ETAA1: variants seen among roughly 807,000 people sequenced by gnomAD.
ETAA1 encodes the protein ewing's tumor-associated antigen 1.
In ETAA1, 49 loss-of-function variants were observed where a neutral mutation model predicts 76.8. The ratio of observed to expected loss-of-function variants is 0.64; its 90% CI spans 0.51 to 0.81. ETAA1 has a LOEUF of 0.81. Ranked by LOEUF, ETAA1 falls within the 30% of genes least tolerant of loss-of-function variation. ETAA1 has a pLI of 0.00. For synonymous variants in ETAA1, 373 were observed against 372.2 expected (o/e 1.00, Z -0.03); for missense variants, 1,099 against 1,074.0 (o/e 1.02, Z -0.32).
At position 67,399,313 on chromosome 2, in the gene ETAA1, CAT is replaced by C; in HGVS notation, c.352+17_352+18del. 6.3e-7 allele frequency: 1 copy of C among 1,591,146 alleles called. No individual in the cohort carries two copies. Among genetic ancestry groups the C allele is most frequent in the Non-Finnish European group, 8.6e-7 (1 of 1,165,630 alleles). ...AAGCAGTTAGGTAATTAATTATTAACATTTTTTATGTGAGTAAATATTTGATA... is the reference window on the plus strand; with the variant it reads ...AAGCAGTTAGGTAATTAATTATTAACTTTTTATGTGAGTAAATATTTGATA... On this transcript the variant is annotated intron_variant, in intron 2 of 5. Transcript: ENST00000272342.
At position 67,405,005 on chromosome 2, in the gene ETAA1, A is replaced by G. The variant is rs1676171931; in HGVS notation, c.2323A>G (p.Ser775Gly). ...SSKLVLPGSS[S>G]LNVTSDHMNT... ...CAAATTGGTTCTTCCAGGAAGTTCA[A>G]GTTTGAATGTAACTTCAGATCATAT... is the stretch of plus-strand genomic sequence containing the variant. The change falls in exon 5 of 6, where the codon AGT (serine) becomes GGT (glycine). Residue 775 changes from serine (S) to glycine (G), a missense_variant. By Grantham distance (56) the Ser-to-Gly change is moderately conservative (BLOSUM62 0). Coordinates refer to ENST00000272342, the MANE Select transcript of ETAA1 (RefSeq NM_019002.4). The G allele has an allele frequency of 3.1e-6, 5 of 1,611,992 alleles. No homozygotes were observed. The highest frequency in any genetic ancestry group is 4.2e-6 in the Non-Finnish European group (5 of 1,178,916).
chr2:67,406,057 TG>T (rs1168097675), intron 5 of ETAA1, among the ~76,000 whole-genome samples: 1 of 152,112 alleles, frequency 6.6e-6, no homozygotes, highest in Non-Finnish European at 1.5e-5. Flanking sequence ...TAAAATTGGA[TG>T]GGCAAAAATG....
chr2:67,410,162 C>CTT lies in ETAA1; in HGVS notation c.*126_*127dup. ...GACTTTTATAAAGCCTGGACTTCTA[C>CTT]TTTATTTAATAAATCAATGTTTGCA... is the stretch of plus-strand genomic sequence containing the variant. On this transcript the variant is annotated 3_prime_UTR_variant, in exon 6 of 6. Transcript: ENST00000272342. 1 of 840,650 alleles carries CTT rather than the reference C, an allele frequency of 1.2e-6. No individual in the cohort carries two copies. The highest frequency in any genetic ancestry group is 2.7e-5 in the Admixed American group (1 of 36,800). 52.1% of individuals were successfully genotyped at this position (840,650 alleles called of 1,614,324 possible).
At position 67,398,441 on chromosome 2, in the gene ETAA1, T is replaced by C. The variant is rs1675958006; in HGVS notation, c.224-728T>C. On this transcript the variant is annotated intron_variant, in intron 1 of 5. Coordinates refer to ENST00000272342, the MANE Select transcript of ETAA1 (RefSeq NM_019002.4). ...ACCTCCGCCTCCCGGGTTCAAGCGA[T>C]TCTCCTGCCTCAGCCTCCCAAGTAG... Among the ~76,000 whole-genome samples the C allele has an allele frequency of 2.0e-5, 3 of 151,990 alleles. No homozygotes were observed. The South Asian group carries it at 6.2e-4, about 32-fold the overall frequency.
intron 5 of ETAA1, among the ~76,000 whole-genome samples, chr2:67,406,584 C>T (rs1055617010): frequency 6.6e-6 from 1 of 151,968 alleles, no homozygotes; most frequent in African/African-American, 2.4e-5. Context: ...AAAAGTAAAA[C>T]AGTATAGAAT....
Position 67,411,927 on chromosome 2 carries a change from C to T in ETAA1, c.*1889C>T, listed in dbSNP as rs1358442684. 6.6e-6 allele frequency: 1 copy of T among 151,910 alleles called. No homozygotes were observed. The highest frequency in any genetic ancestry group is 1.5e-5 in the Non-Finnish European group (1 of 67,988). 9.4% of individuals were successfully genotyped at this position (151,910 alleles called of 1,614,324 possible). A position where few individuals can be genotyped will look rare whatever the true frequency, so the allele number is the denominator to read the frequency against. Reference sequence around the variant, plus strand: ...CTTACTGCTTGCTTTTTTAAGAGTACTTTTAGCCTATTCTGTTCATTCATT... The same window carrying T: ...CTTACTGCTTGCTTTTTTAAGAGTATTTTTAGCCTATTCTGTTCATTCATT... On this transcript the variant is annotated 3_prime_UTR_variant, in exon 6 of 6. Coordinates refer to ENST00000272342, the MANE Select transcript of ETAA1 (RefSeq NM_019002.4).
chr2:67,409,762 A>T, intron 5 of ETAA1, 149 bp from the exon 6 acceptor site: 1 of 663,266 alleles, frequency 1.5e-6, no homozygotes, highest in Non-Finnish European at 2.5e-6. Context: ...TGTATTATGT[A>T]CTTAGAATTT....
chr2:67,404,143 A>C lies in ETAA1; in HGVS notation c.1461A>C (p.Lys487Asn), dbSNP rs758124785. 4.4e-6 allele frequency: 7 copies of C among 1,591,148 alleles called. No individual in the cohort carries two copies. The highest frequency in any genetic ancestry group is 3.7e-5 in the Admixed American group (2 of 53,430). ...TGAAATTTGAGAACTCTTCCAATAA[A>C]ATTGTTATTCAAGACGAAATTCAAA... ...NKMKFENSSN[K>N]IVIQDEIQNC... The change falls in exon 5 of 6, where the codon AAA becomes AAC. Residue 487 changes from lysine to asparagine, a missense_variant. Coordinates refer to ENST00000272342, the MANE Select transcript of ETAA1 (RefSeq NM_019002.4).
chr2:67,397,563 T>A lies in ETAA1; in HGVS notation c.115T>A (p.Ser39Thr), dbSNP rs201688163. The change falls in exon 1 of 6, where the codon TCG (serine) becomes ACG (threonine). Residue 39 changes from serine to threonine, a missense_variant. By Grantham distance (58) the Ser-to-Thr change is moderately conservative. Coordinates refer to ENST00000272342, the MANE Select transcript of ETAA1 (RefSeq NM_019002.4). Reference sequence around the variant, plus strand: ...CGAGCCAGGGAGGAGGCGGCTGAGATCGGCCCGCGGTTCGTGGCCCTGCGG... The same window carrying A: ...CGAGCCAGGGAGGAGGCGGCTGAGAACGGCCCGCGGTTCGTGGCCCTGCGG... The part of the protein sequence containing the change: ...VVEPGRRRLR[S>T]ARGSWPCGAR... 2 of 1,568,858 alleles carry A rather than the reference T, an allele frequency of 1.3e-6. No homozygotes were observed. The highest frequency in any genetic ancestry group is 2.7e-5 in the African/African-American group (2 of 73,682).
At position 67,410,192 on chromosome 2, in the gene ETAA1, TAAATGAAACATTTCCTTGG is replaced by T; in HGVS notation, c.*156_*174del. 1.4e-6 allele frequency: 1 copy of T among 699,256 alleles called. No homozygotes were observed. The highest frequency in any genetic ancestry group is 2.4e-6 in the Non-Finnish European group (1 of 423,910). 43.3% of individuals were successfully genotyped at this position (699,256 alleles called of 1,614,324 possible). On this transcript the variant is annotated 3_prime_UTR_variant, in exon 6 of 6. Coordinates refer to ENST00000272342, the MANE Select transcript of ETAA1 (RefSeq NM_019002.4). ...TTTAATAAATCAATGTTTGCAATGGTAAATGAAACATTTCCTTGGACATGTATTTGAAAGTCATTAAATA... is the reference window on the plus strand; with the variant it reads ...TTTAATAAATCAATGTTTGCAATGGTACATGTATTTGAAAGTCATTAAATA...
In ETAA1 at chr2:67,404,610, C is replaced by G; in HGVS notation, c.1928C>G (p.Ser643Cys). Residue 643 changes from serine to cysteine, a missense_variant, in exon 5 of 6, where the codon TCC becomes TGC. Around this residue, in one of 3 missense-constraint regions of ETAA1, gnomAD observed 36 missense variants for 64.0 expected, o/e 0.56. Coordinates refer to ENST00000272342, the MANE Select transcript of ETAA1 (RefSeq NM_019002.4). The part of the protein sequence containing the change: ...SESICEINNN[S>C]EHGAKLTQQQ... ...AGTATATGTGAGATCAATAATAATT[C>G]CGAACATGGAGCCAAACTAACTCAG... The G allele has an allele frequency of 6.2e-7, 1 of 1,613,154 alleles. No homozygotes were observed. The highest frequency in any genetic ancestry group is 8.5e-7 in the Non-Finnish European group (1 of 1,179,468).
intron 3 of ETAA1, 35 bp from the exon 4 acceptor site, chr2:67,402,827 T>C (rs1164461224): frequency 2.8e-6 from 4 of 1,425,196 alleles, no homozygotes; most frequent in Middle Eastern, 1.8e-4. Flanking sequence ...GCTACACTGG[T>C]ACTTTATACC....
chr2:67,405,281 G>A lies in ETAA1; in HGVS notation c.2599G>A (p.Val867Ile). The change falls in exon 5 of 6, where the codon GTT becomes ATT. Residue 867 changes from valine to isoleucine, a missense_variant. Val to Ile is a conservative substitution (Grantham distance 29). Coordinates refer to ENST00000272342, the MANE Select transcript of ETAA1 (RefSeq NM_019002.4). Reference sequence around the variant, plus strand: ...TGTCAACCCATTACTGGAGGAAGCTGTTGGACAGCAATCTTTGGTGAAACT... The same window carrying A: ...TGTCAACCCATTACTGGAGGAAGCTATTGGACAGCAATCTTTGGTGAAACT... ...KGVNPLLEEA[V>I]GQQSLVKLSE... 6.3e-7 allele frequency: 1 copy of A among 1,578,934 alleles called. No homozygotes were observed.
chr2:67,405,502 T>C (rs1676192696), intron 5 of ETAA1, among the ~76,000 whole-genome samples, 167 bp downstream of exon 5: 1 of 152,076 alleles, frequency 6.6e-6, no homozygotes, highest in Non-Finnish European at 1.5e-5. Context: ...GAAATAATTA[T>C]ACGGCATTAT....
chr2:67,407,882 A>G (rs1463355170), intron 5 of ETAA1, among the ~76,000 whole-genome samples: 9 of 152,066 alleles, frequency 5.9e-5, no homozygotes, highest in African/African-American at 1.9e-4. Flanking sequence ...GGGGTGTCAG[A>G]TGCAGAAAAC....
In ETAA1 at chr2:67,411,715, A is replaced by C. The variant is rs758464871; in HGVS notation, c.*1677A>C. ...ACTGTACATCAAAAATGGTATTTTC[A>C]TATCTACAGTGGAGTACTGGAGTTT... On this transcript the variant is annotated 3_prime_UTR_variant, in exon 6 of 6. Coordinates refer to ENST00000272342, the MANE Select transcript of ETAA1 (RefSeq NM_019002.4). 6.6e-6 allele frequency: 1 copy of C among 152,136 alleles called. No individual in the cohort carries two copies. The highest frequency in any genetic ancestry group is 2.1e-4 in the South Asian group (1 of 4,832). 9.4% of individuals were successfully genotyped at this position (152,136 alleles called of 1,614,324 possible).
Position 67,403,816 on chromosome 2 carries a change from T to C in ETAA1, c.1134T>C (p.Asp378=). 3 of 1,613,354 alleles carry C rather than the reference T, an allele frequency of 1.9e-6. No individual in the cohort carries two copies. Among genetic ancestry groups the C allele is most frequent in the Non-Finnish European group, 2.5e-6 (3 of 1,179,490 alleles). The stretch of plus-strand genomic sequence containing the variant: ...ACATTGATGCATTTACTACAAGTGA[T>C]TTTGAGGATGATTGGGAAAACTTAC... ...NKYIDAFTTS[D]FEDDWENLLG... is the part of the protein sequence containing the mutation. The change falls in exon 5 of 6, where the codon GAT becomes GAC. Residue 378 remains aspartate, a synonymous_variant. Transcript: ENST00000272342.
chr2:67,408,824 C>T (rs1314083348), intron 5 of ETAA1, among the ~76,000 whole-genome samples: 4 of 152,096 alleles, frequency 2.6e-5, no homozygotes, highest in Non-Finnish European at 5.9e-5. Context: ...TCTTTCCACA[C>T]AGTCAAATTC....
At chr2:67,401,712 A>G (rs965280695) in intron 3 of ETAA1, 10 of 152,036 alleles carry the variant, frequency 6.6e-5, no homozygotes, top group African/African-American at 2.2e-4. Flanking sequence ...TACTTTTGTA[A>G]ATGGCAGAGT....
Sources: gnomAD v4.1 joint callset for allele counts (sites outside exome capture counted in the v4.1 genomes callset) on GRCh38, gnomAD v4.1.1 for gene constraint, gnomAD v4.1.1 regional missense constraint, MANE v1.5 for transcripts, NCBI Gene and HGNC (gene_info 2026-07-23, HGNC 2026-07-21) for gene names.